RNF212B: variants seen among roughly 807,000 people sequenced by gnomAD.
RNF212B encodes the protein E3 ubiquitin-protein ligase RNF212B.
In RNF212B, 52 loss-of-function variants were observed where a neutral mutation model predicts 55.5. That is an observed-to-expected ratio of 0.94 (90% confidence interval 0.75 to 1.18). The LOEUF (loss-of-function observed/expected upper bound fraction) is 1.18. RNF212B is among the 50% of genes most tolerant of loss of function. The pLI, the probability that RNF212B is intolerant of heterozygous loss-of-function variation, is 0.00. For synonymous variants in RNF212B, 99 were observed against 121.4 expected, an observed-to-expected ratio of 0.82 and a Z score of 1.21; for missense variants, 289 against 350.4, an observed-to-expected ratio of 0.82 and a Z score of 1.40.
At position 23,232,794 on chromosome 14, in the gene RNF212B, G is replaced by T. The variant is rs1161259031; in HGVS notation, c.-1-7551G>T. ...CGTCTGGGAGGGAGGTGGGGGGGGG[G>T]TCAGCCTCTGCCCGGCCGCCACCCT... On this transcript the variant is annotated intron_variant, in intron 2 of 15. Transcript: ENST00000399910. Among the ~76,000 whole-genome samples, 9 of 147,364 alleles carry T rather than the reference G, an allele frequency of 6.1e-5. 1 individual carries two copies. The highest frequency in any genetic ancestry group is 4.7e-4 in the Admixed American group (7 of 15,028).
At chr14:23,213,903 G>A (rs771558270) in intron 2 of RNF212B, among the ~76,000 whole-genome samples, 25 of 152,286 alleles carry the variant, frequency 1.6e-4, no homozygotes, top group Non-Finnish European at 2.1e-4. Context: ...ACAGTCAACA[G>A]GCACTAACAT....
chr14:23,238,767 T>TC lies in RNF212B; in HGVS notation c.-2+712_-2+713insC, dbSNP rs1404499414. 1.3e-3 allele frequency among the ~76,000 whole-genome samples: 191 copies of TC among 144,474 alleles called. 1 individual carries two copies. Among genetic ancestry groups the TC allele is most frequent in the East Asian group, 5.1e-3 (25 of 4,938 alleles). 94.8% of individuals were successfully genotyped at this position (144,474 alleles called of 152,430 possible). On this transcript the variant is annotated intron_variant, in intron 1 of 14. Transcript: ENST00000430154. The stretch of plus-strand genomic sequence containing the variant: ...ATAATAATAATAATAATAATAATAA[T>TC]AATAATAATAATAATCCCACAAAGA...
chr14:23,210,859 G>C (rs183690817), intron 2 of RNF212B, among the ~76,000 whole-genome samples: 1 of 150,566 alleles, frequency 6.6e-6, no homozygotes, highest in East Asian at 1.9e-4. Flanking sequence ...GGAACTCTCT[G>C]TACTACCTTT....
At chr14:23,203,936 G>A (rs1470484467) in intron 2 of RNF212B, among the ~76,000 whole-genome samples, 2 of 152,182 alleles carry the variant, frequency 1.3e-5, no homozygotes, top group Non-Finnish European at 2.9e-5. Flanking sequence ...GCAGGAGTAA[G>A]GTGGTGTTGC....
chr14:23,256,279 A>G (rs551501424), intron 4 of RNF212B, among the ~76,000 whole-genome samples: 10 of 152,062 alleles, frequency 6.6e-5, no homozygotes, highest in African/African-American at 1.7e-4. Context: ...TGTCTATTAT[A>G]TAGCTTTATC....
intron 2 of RNF212B, among the ~76,000 whole-genome samples, chr14:23,220,308 G>T (rs1196783066): frequency 2.0e-5 from 3 of 152,182 alleles, no homozygotes; most frequent in Non-Finnish European, 4.4e-5. Flanking sequence ...GAGGTGGGTG[G>T]ATTGCTTGAG....
chr14:23,230,783 T>G (rs1882554018), intron 2 of RNF212B, among the ~76,000 whole-genome samples: 1 of 151,958 alleles, frequency 6.6e-6, no homozygotes, highest in Non-Finnish European at 1.5e-5. Flanking sequence ...CCATTTTGAG[T>G]TAATTTTTGT....
rs982972009 is a variant in RNF212B at position 23,222,850 on chromosome 14, C to T, written c.-1-17495C>T. 5.3e-5 allele frequency among the ~76,000 whole-genome samples: 8 copies of T among 152,008 alleles called. No individual in the cohort carries two copies. In the South Asian group the frequency reaches 1.3e-3, roughly 24 times the overall value. On this transcript the variant is annotated intron_variant, in intron 2 of 15. Coordinates refer to the RNF212B transcript ENST00000399910. ...GGGGGATCATCTGAGGTCAGGAGTT[C>T]GAGACCTGCCTGGCTAACATGGTGA...
intron 1 of RNF212B, among the ~76,000 whole-genome samples, chr14:23,187,116 G>A (rs964811086): frequency 2.6e-5 from 4 of 152,024 alleles, no homozygotes; most frequent in East Asian, 1.9e-4. Context: ...TTCCAATATC[G>A]GAGCCACTGT....
chr14:23,270,545 C>T (rs558952662), intron 13 of RNF212B, 55 bp from the exon 14 acceptor site: 1 of 1,289,222 alleles, frequency 7.8e-7, no homozygotes, highest in Non-Finnish European at 1.1e-6. Context: ...ACAAGTAACA[C>T]TGCCGAGAAA....
chr14:23,238,106 C>T (rs1883260080), intron 1 of RNF212B, among the ~76,000 whole-genome samples, 51 bp downstream of exon 1: 1 of 152,142 alleles, frequency 6.6e-6, no homozygotes, highest in Admixed American at 6.5e-5. Context: ...CGGCTGAGGC[C>T]CCATCGCCTC....
rs188590310 is a variant in RNF212B, at chr14:23,192,186, G to A, written c.-78-1139G>A. On this transcript the variant is annotated intron_variant, in intron 1 of 15. Transcript: ENST00000399910. Reference sequence around the variant, plus strand: ...TTTGACCCAGCCATCCTATTACTGGGTATATACCCAAAGGATTATAAATCA... The same window carrying A: ...TTTGACCCAGCCATCCTATTACTGGATATATACCCAAAGGATTATAAATCA... Among the ~76,000 whole-genome samples the A allele has an allele frequency of 1.9e-3, 287 of 151,740 alleles. 1 individual carries two copies. The highest frequency in any genetic ancestry group is 6.6e-3 in the African/African-American group (273 of 41,342).
intron 2 of RNF212B, among the ~76,000 whole-genome samples, chr14:23,229,259 T>TATATATAC (rs1434448490): frequency 6.5e-5 from 8 of 122,486 alleles, no homozygotes; most frequent in African/African-American, 1.9e-4. Flanking sequence ...TATATATATA[T>TATATATAC]ATACCACATT....
chr14:23,237,908 C>T (rs987125276), upstream of RNF212B, among the ~76,000 whole-genome samples: 6 of 152,164 alleles, frequency 3.9e-5, no homozygotes, highest in African/African-American at 1.4e-4. Flanking sequence ...CCGCCCACAC[C>T]TCTCACACCG....
intron 4 of RNF212B, among the ~76,000 whole-genome samples, chr14:23,251,346 C>A (rs1884388987): frequency 6.6e-6 from 1 of 152,204 alleles, no homozygotes; most frequent in Non-Finnish European, 1.5e-5. Flanking sequence ...ACTGCCCCGA[C>A]TCTGGACACC....
At chr14:23,234,140 C>A (rs2140425369), upstream of RNF212B, among the ~76,000 whole-genome samples, 1 of 152,082 alleles carries the variant, frequency 6.6e-6, no homozygotes, top group Non-Finnish European at 1.5e-5. Context: ...AAGATATTTT[C>A]TAGGAAAACT....
chr14:23,256,674 C>T (rs893279773), intron 4 of RNF212B, among the ~76,000 whole-genome samples: 1 of 152,050 alleles, frequency 6.6e-6, no homozygotes, highest in Non-Finnish European at 1.5e-5. Context: ...GCCTGGCCTC[C>T]TCTATTCAAA....
chr14:23,264,972 C>T (rs1885579695), intron 11 of RNF212B, among the ~76,000 whole-genome samples: 1 of 152,076 alleles, frequency 6.6e-6, no homozygotes, highest in Non-Finnish European at 1.5e-5. Context: ...CAGGCATGTG[C>T]CACCACGCCT....
At chr14:23,203,084 G>T (rs1373609649) in intron 2 of RNF212B, among the ~76,000 whole-genome samples, 1 of 151,918 alleles carries the variant, frequency 6.6e-6, no homozygotes, top group Admixed American at 6.6e-5. Flanking sequence ...CATCACCCAA[G>T]CAGTATACAC....
Sources: gnomAD v4.1 joint callset for allele counts (sites outside exome capture counted in the v4.1 genomes callset) on GRCh38, gnomAD v4.1.1 for gene constraint, MANE v1.5 for transcripts, NCBI Gene and HGNC (gene_info 2026-07-23, HGNC 2026-07-21) for gene names.